The following MARCHF10 variants were observed in gnomAD, a reference collection of about 807,000 sequenced individuals.
The protein encoded by MARCHF10 is probable E3 ubiquitin-protein ligase MARCHF10.
MARCHF10 carries 64 observed loss-of-function variants against 76.2 expected under a neutral mutation model. The ratio of observed to expected loss-of-function variants is 0.84; its 90% CI spans 0.69 to 1.03. MARCHF10 has a LOEUF of 1.03. MARCHF10 is among the 50% of genes least tolerant of loss of function. The pLI, the probability that MARCHF10 is intolerant of heterozygous loss-of-function variation, is 0.00. For synonymous variants in MARCHF10, 340 were observed against 357.5 expected, an observed-to-expected ratio of 0.95 and a Z score of 0.55; for missense variants, 875 against 958.0, an observed-to-expected ratio of 0.91 and a Z score of 1.14.
chr17:62,782,387 G>A (rs775878494), intron 3 of MARCHF10, among the ~76,000 whole-genome samples: 9 of 131,074 alleles, frequency 6.9e-5, no homozygotes, highest in Admixed American at 2.7e-4. Flanking sequence ...TCGCTCTGTC[G>A]CCCAGGGTGG....
At chr17:62,720,962 G>T (rs535799440) in intron 8 of MARCHF10, among the ~76,000 whole-genome samples, 17 of 148,306 alleles carry the variant, frequency 1.1e-4, no homozygotes, top group Admixed American at 6.1e-4. Flanking sequence ...CTGGCTCCCA[G>T]GTTCAAGCGA....
intron 8 of MARCHF10, among the ~76,000 whole-genome samples, chr17:62,714,097 C>T (rs1406565951): frequency 6.6e-6 from 1 of 152,230 alleles, no homozygotes; most frequent in Non-Finnish European, 1.5e-5. Context: ...GGACATCTGT[C>T]CTTGGCTGAG....
At chr17:62,788,337 C>T in intron 3 of MARCHF10, 143 bp downstream of exon 3, 5 of 1,117,098 alleles carry the variant, frequency 4.5e-6, no homozygotes, top group Non-Finnish European at 6.3e-6. Context: ...CCTTCCTGCC[C>T]CTGGCTCTCC....
Position 62,738,519 on chromosome 17 carries a change from A to G in MARCHF10, c.536-1187T>C, listed in dbSNP as rs2147824851. On this transcript the variant is annotated intron_variant, in intron 5 of 10. Transcript: ENST00000311269. The surrounding 1 kb of genome is among the most constrained non-coding windows in gnomAD (Gnocchi z 4.0). Reference sequence around the variant, plus strand: ...CTGATGAGATGCTGCTCTTTTTATCATTCCATTTCTAAAGCGGTTCACCCT... The same window carrying G: ...CTGATGAGATGCTGCTCTTTTTATCGTTCCATTTCTAAAGCGGTTCACCCT... Among the ~76,000 whole-genome samples the G allele has an allele frequency of 6.6e-6, 1 of 152,106 alleles. No homozygotes were observed. Among genetic ancestry groups the G allele is most frequent in the Admixed American group, 6.5e-5 (1 of 15,276 alleles).
At chr17:62,708,281 T>C (rs1457220173) in intron 9 of MARCHF10, among the ~76,000 whole-genome samples, 1 of 151,428 alleles carries the variant, frequency 6.6e-6, no homozygotes, top group Admixed American at 6.6e-5. Context: ...AGTCTTGCTC[T>C]GTTGCCCAGG....
At chr17:62,791,537 A>T (rs997057187) in intron 2 of MARCHF10, among the ~76,000 whole-genome samples, 7 of 152,258 alleles carry the variant, frequency 4.6e-5, no homozygotes, top group African/African-American at 1.2e-4. Context: ...GTTGAAAAAA[A>T]TTTTTTCCCT....
chr17:62,761,422 CTTTT>C (rs1210453080), intron 3 of MARCHF10, among the ~76,000 whole-genome samples: 2 of 151,848 alleles, frequency 1.3e-5, no homozygotes, highest in Non-Finnish European at 2.9e-5. Flanking sequence ...TTTCTTTTTT[CTTTT>C]TTTCTTTTTT....
At chr17:62,776,295 C>T (rs574627825) in intron 3 of MARCHF10, among the ~76,000 whole-genome samples, 1 of 152,308 alleles carries the variant, frequency 6.6e-6, no homozygotes, top group South Asian at 2.1e-4. Context: ...TCAGAGGTCA[C>T]CAATCCTCTG....
chr17:62,711,955 G>C lies in MARCHF10; in HGVS notation c.2215-611C>G, dbSNP rs9890213. On this transcript the variant is annotated intron_variant, in intron 8 of 10. Transcript: ENST00000311269. The surrounding 1 kb of genome is among the most constrained non-coding windows in gnomAD (Gnocchi z 4.4). ...CGTTTCCGCTTTCTCTTGAGGAGTG[G>C]GCTGTGCTTTTTTTCTCGCTGGTGC... 0.33 allele frequency among the ~76,000 whole-genome samples: 50,714 copies of C among 152,098 alleles called. 8,638 individuals carry two copies. The highest frequency in any genetic ancestry group is 0.37 in the Non-Finnish European group (25,296 of 67,968).
chr17:62,793,046 CCAA>C (rs1296441758), intron 2 of MARCHF10, among the ~76,000 whole-genome samples: 15 of 149,818 alleles, frequency 1.0e-4, no homozygotes, highest in East Asian at 6.0e-4. Flanking sequence ...TCAACTACCA[CCAA>C]CGCCTCCATC....
intron 3 of MARCHF10, among the ~76,000 whole-genome samples, chr17:62,783,638 T>C (rs1229487604): frequency 2.0e-5 from 3 of 151,540 alleles, no homozygotes; most frequent in Non-Finnish European, 4.4e-5. Context: ...ACAAGACTAA[T>C]AAAGAGGAAG....
chr17:62,772,323 C>T (rs1001501849), intron 3 of MARCHF10, among the ~76,000 whole-genome samples: 1 of 152,152 alleles, frequency 6.6e-6, no homozygotes, highest in South Asian at 2.1e-4. Flanking sequence ...GTAAGAAGTG[C>T]CTTTCGCCTT....
intron 3 of MARCHF10, among the ~76,000 whole-genome samples, chr17:62,779,845 C>T (rs2092624126): frequency 6.6e-6 from 1 of 152,206 alleles, no homozygotes; most frequent in Admixed American, 6.5e-5. Flanking sequence ...ACCCGTAATC[C>T]CAGCACTTTG....
At chr17:62,737,971 G>A (rs1047367904) in intron 5 of MARCHF10, 1 of 151,994 alleles carries the variant, frequency 6.6e-6, no homozygotes, top group African/African-American at 2.4e-5. Flanking sequence ...TGTAACTTCT[G>A]GCTGCCCTAG....
At chr17:62,702,946 CCT>C (rs1336182200) in intron 10 of MARCHF10, among the ~76,000 whole-genome samples, 2 of 152,198 alleles carry the variant, frequency 1.3e-5, no homozygotes, top group Admixed American at 1.3e-4. Flanking sequence ...TGTTCCTGCC[CCT>C]GTCCTCATCT....
intron 3 of MARCHF10, among the ~76,000 whole-genome samples, chr17:62,785,281 T>C (rs1202143636): frequency 1.3e-5 from 2 of 152,128 alleles, no homozygotes; most frequent in Admixed American, 6.6e-5. Context: ...GGGGAAATAA[T>C]TCCCTATTTA....
At chr17:62,715,313 C>T (rs910816344) in intron 8 of MARCHF10, among the ~76,000 whole-genome samples, 2 of 152,224 alleles carry the variant, frequency 1.3e-5, no homozygotes, top group African/African-American at 4.8e-5. Context: ...GGGGAGAGCA[C>T]TTTCCATTTT....
rs2091262962 is a variant in MARCHF10, at chr17:62,736,358, T to C, written c.1510A>G (p.Asn504Asp). The change falls in exon 6 of 11, where the codon AAC becomes GAC. Residue 504 changes from asparagine to aspartate, a missense_variant. Physicochemically the swap from Asn to Asp is conservative, Grantham distance 23. Transcript: ENST00000311269. Reference protein sequence around the residue: ...TSVHSSDSEGNSGFHVCQPLS... With the variant: ...TSVHSSDSEGDSGFHVCQPLS... ...GGTTGGCAAACATGAAACCCTGAGT[T>C]TCCCTCTGAGTCTGAGCTGTGAACT... 6.2e-7 allele frequency: 1 copy of C among 1,614,066 alleles called. No homozygotes were observed. Among genetic ancestry groups the C allele is most frequent in the Admixed American group, 1.7e-5 (1 of 59,996 alleles).
chr17:62,771,818 C>G (rs2092454007), intron 3 of MARCHF10, among the ~76,000 whole-genome samples: 1 of 152,024 alleles, frequency 6.6e-6, no homozygotes, highest in South Asian at 2.1e-4. Context: ...CTCAACTGAT[C>G]TGCCAGCCTC....
Sources: allele counts gnomAD v4.1 joint callset (sites outside exome capture counted in the v4.1 genomes callset), GRCh38; gene constraint gnomAD v4.1.1; non-coding constraint Gnocchi (gnomAD v3.1); transcripts MANE v1.5; gene names NCBI Gene and HGNC (gene_info 2026-07-23, HGNC 2026-07-21).